Variants in PCDHGB1 observed in about 807,000 individuals in gnomAD.
PCDHGB1 encodes protocadherin gamma-B1.
In PCDHGB1, 34 loss-of-function variants were observed where a neutral mutation model predicts 56.6. That is an observed-to-expected ratio of 0.60 (90% CI 0.46 to 0.80). PCDHGB1 has a LOEUF of 0.80. PCDHGB1 is among the 30% of genes least tolerant of loss of function. PCDHGB1 has a pLI of 0.00. For synonymous variants in PCDHGB1, 561 were observed against 505.9 expected (o/e 1.11, Z -1.46); for missense variants, 1,278 against 1,204.6 (o/e 1.06, Z -0.90).
At chr5:141,430,878 A>G in intron 1 of PCDHGB1, 1 of 1,600,748 alleles carries the variant, frequency 6.2e-7, no homozygotes, top group Admixed American at 1.8e-5. Context: ...GAAGAGCTGG[A>G]GAAAGGCTCT....
chr5:141,384,788 G>C (rs765446040), intron 1 of PCDHGB1: 21 of 1,613,120 alleles, frequency 1.3e-5, no homozygotes, highest in African/African-American at 2.7e-5. Context: ...CGCACGGCTC[G>C]GGCCCTGCTG....
rs147403131 is a variant in PCDHGB1, at chr5:141,368,659, C to A, written c.2409+15990C>A. 4.1e-3 allele frequency among the ~76,000 whole-genome samples: 617 copies of A among 152,246 alleles called. 6 individuals are homozygous for A. The highest frequency in any genetic ancestry group is 0.011 in the Admixed American group (171 of 15,302). On this transcript the variant is annotated intron_variant, in intron 1 of 3. Coordinates refer to ENST00000523390, the MANE Select transcript of PCDHGB1 (RefSeq NM_018922.3). ...AATGTTTTGTGCAATGGAAAAATATCTTTAAACCCTCTATAAACTACTAAC... is the reference window on the plus strand; with the variant it reads ...AATGTTTTGTGCAATGGAAAAATATATTTAAACCCTCTATAAACTACTAAC...
At chr5:141,399,470 TC>T in intron 1 of PCDHGB1, 1 of 1,614,018 alleles carries the variant, frequency 6.2e-7, no homozygotes, top group South Asian at 1.1e-5. Context: ...GCTCCGGTTT[TC>T]CACCAGGCGT....
At position 141,486,484 on chromosome 5, in the gene PCDHGB1, C is replaced by G. The variant is rs200150307; in HGVS notation, c.2410-8323C>G. ...ATGCTGGGAACCCTCCTCTCAGTAC[C>G]CACAGAACTATTTTCCTCAATATTT... On this transcript the variant is annotated intron_variant, in intron 1 of 3. Transcript: ENST00000523390. The surrounding 1 kb of genome is among the most constrained non-coding windows in gnomAD (Gnocchi z 5.0). The G allele has an allele frequency of 2.8e-5, 45 of 1,614,102 alleles. No homozygotes were observed. In the Admixed American group the frequency reaches 5.5e-4, roughly 20 times the overall value.
intron 1 of PCDHGB1, among the ~76,000 whole-genome samples, chr5:141,447,805 G>A (rs1389870133): frequency 2.0e-5 from 3 of 152,064 alleles, no homozygotes; most frequent in Admixed American, 2.0e-4. Context: ...AATAAAATTG[G>A]CTGGGCGTGG....
At chr5:141,433,381 A>ATCTG (rs1561869478) in intron 1 of PCDHGB1, among the ~76,000 whole-genome samples, 2 of 151,148 alleles carry the variant, frequency 1.3e-5, no homozygotes, top group Non-Finnish European at 2.9e-5. Flanking sequence ...CTATCTATCT[A>ATCTG]TCTATCTATC....
In PCDHGB1 at chr5:141,352,438, T is replaced by C; in HGVS notation, c.2178T>C (p.Gly726=). The C allele has an allele frequency of 6.2e-7, 1 of 1,614,018 alleles. No homozygotes were observed. The highest frequency in any genetic ancestry group is 8.5e-7 in the Non-Finnish European group (1 of 1,179,898). ...SLDTEGCFQT[G]LCSKSGPGVP... ...ACACTGAGGGCTGCTTTCAAACCGG[T>C]CTCTGCTCCAAGTCTGGGCCCGGGG... Residue 726 remains glycine, a synonymous_variant, in exon 1 of 4, where the codon GGT becomes GGC. Transcript: ENST00000523390.
chr5:141,362,114 T>A, intron 1 of PCDHGB1: 2 of 1,613,988 alleles, frequency 1.2e-6, no homozygotes, highest in Non-Finnish European at 1.7e-6. Context: ...ACGGCCACGC[T>A]GCACCTAATC....
Position 141,490,972 on chromosome 5 carries a change from C to G in PCDHGB1, c.2410-3835C>G. 6.2e-7 allele frequency: 1 copy of G among 1,613,912 alleles called. No homozygotes were observed. Among genetic ancestry groups the G allele is most frequent in the Non-Finnish European group, 8.5e-7 (1 of 1,179,922 alleles). Reference sequence around the variant, plus strand: ...AGACTGGGAACACTCAGCCCCCCAGCGTCTCCCTCGCTCTGCTCCTCCTGG... The same window carrying G: ...AGACTGGGAACACTCAGCCCCCCAGGGTCTCCCTCGCTCTGCTCCTCCTGG... On this transcript the variant is annotated intron_variant, in intron 1 of 3. Coordinates refer to ENST00000523390, the MANE Select transcript of PCDHGB1 (RefSeq NM_018922.3). The surrounding 1 kb of genome is among the most constrained non-coding windows in gnomAD (Gnocchi z 5.4).
At chr5:141,355,634 A>G in intron 1 of PCDHGB1, 2 of 1,614,002 alleles carry the variant, frequency 1.2e-6, no homozygotes, top group African/African-American at 2.7e-5. Context: ...GTTGCTGAAA[A>G]TGAAAATCCT....
chr5:141,421,791 T>TG, intron 1 of PCDHGB1: 1 of 1,613,792 alleles, frequency 6.2e-7, no homozygotes, highest in Non-Finnish European at 8.5e-7. Flanking sequence ...GCAGAACGGA[T>TG]GGGGCCAAGA....
Position 141,511,381 on chromosome 5 carries a change from G to C in PCDHGB1, c.*208G>C. 8.5e-7 allele frequency: 1 copy of C among 1,170,380 alleles called. No individual in the cohort carries two copies. Among genetic ancestry groups the C allele is most frequent in the Non-Finnish European group, 1.2e-6 (1 of 854,768 alleles). 72.5% of individuals were successfully genotyped at this position (1,170,380 alleles called of 1,614,324 possible). On this transcript the variant is annotated 3_prime_UTR_variant, in exon 4 of 4. Coordinates refer to ENST00000523390, the MANE Select transcript of PCDHGB1 (RefSeq NM_018922.3). The stretch of plus-strand genomic sequence containing the variant: ...GGGTTGAATATGCAAAAGCAGTTCC[G>C]CTGGGAACCCCCATCCAATCAACTG...
At chr5:141,404,565 G>C in intron 1 of PCDHGB1, 2 of 1,613,910 alleles carry the variant, frequency 1.2e-6, no homozygotes. Flanking sequence ...AGTGACAGTG[G>C]AAGCCCACCA....
chr5:141,430,926 C>A (rs145535410), intron 1 of PCDHGB1: 4 of 1,607,308 alleles, frequency 2.5e-6, no homozygotes, highest in African/African-American at 1.3e-5. Context: ...GGGCTGGAGC[C>A]CCGGGAGCTC....
chr5:141,431,416 C>G lies in PCDHGB1; in HGVS notation c.2410-63391C>G, dbSNP rs778722151. 3 of 1,613,596 alleles carry G rather than the reference C, an allele frequency of 1.9e-6. No homozygotes were observed. The highest frequency in any genetic ancestry group is 2.7e-5 in the African/African-American group (2 of 74,954). On this transcript the variant is annotated intron_variant, in intron 1 of 3. Coordinates refer to ENST00000523390, the MANE Select transcript of PCDHGB1 (RefSeq NM_018922.3). The surrounding 1 kb of genome is among the most constrained non-coding windows in gnomAD (Gnocchi z 4.8). ...TCCTTACGGCCTCCGACGGGGGCGA[C>G]CCGGTGCGCACAGGCACCGCGCGCA...
intron 1 of PCDHGB1, among the ~76,000 whole-genome samples, chr5:141,460,447 A>G (rs1202218653): frequency 6.6e-6 from 1 of 152,170 alleles, no homozygotes; most frequent in Non-Finnish European, 1.5e-5. Context: ...GTAACAATGA[A>G]GATTCATATT....
intron 1 of PCDHGB1, among the ~76,000 whole-genome samples, chr5:141,480,693 G>C (rs1488899685): frequency 2.6e-5 from 4 of 152,096 alleles, no homozygotes; most frequent in Non-Finnish European, 5.9e-5. Context: ...CTGAAACCCA[G>C]GCCACACCCC....
intron 1 of PCDHGB1, among the ~76,000 whole-genome samples, chr5:141,473,195 C>G (rs1053769499): frequency 6.6e-6 from 1 of 152,104 alleles, no homozygotes; most frequent in Non-Finnish European, 1.5e-5. Flanking sequence ...GTAAATGTAT[C>G]TTCTAAAAAA....
At chr5:141,355,466 G>T (rs1561508995) in intron 1 of PCDHGB1, 1 of 1,614,094 alleles carries the variant, frequency 6.2e-7, no homozygotes, top group Admixed American at 1.7e-5. Context: ...ACCGCGGGTA[G>T]GATAGACAGG....
Sources: gnomAD v4.1 joint callset for allele counts (sites outside exome capture counted in the v4.1 genomes callset) on GRCh38, gnomAD v4.1.1 for gene constraint, Gnocchi (gnomAD v3.1) non-coding constraint, MANE v1.5 for transcripts, NCBI Gene and HGNC (gene_info 2026-07-23, HGNC 2026-07-21) for gene names.